RBFOX1: variants seen among roughly 807,000 people sequenced by gnomAD.
The protein encoded by RBFOX1 is RNA binding fox-1 homolog 1.
Under a neutral mutation model 57.7 loss-of-function variants are expected in RBFOX1, and 8 were observed. The observed-to-expected ratio is 0.14, with a 90% CI of 0.08 to 0.25. The LOEUF is 0.25. Ranked by LOEUF, RBFOX1 falls within the 10% of genes least tolerant of loss-of-function variation. The probability of loss-of-function intolerance (pLI) is 1.00; values close to 1 mark genes in which losing one functional copy is unlikely to be tolerated. For synonymous variants in RBFOX1, 326 were observed against 222.4 expected (o/e 1.47, Z -4.15); for missense variants, 611 against 548.5 (o/e 1.11, Z -1.14).
chr16:7,579,537 T>C (rs1205023735), intron 5 of RBFOX1, among the ~76,000 whole-genome samples: 1 of 152,202 alleles, frequency 6.6e-6, no homozygotes, highest in Non-Finnish European at 1.5e-5. Context: ...TGATGCTCCC[T>C]GAGGGCAGGG....
At chr16:7,653,354 T>C (rs1407654357) in intron 11 of RBFOX1, among the ~76,000 whole-genome samples, 1 of 151,990 alleles carries the variant, frequency 6.6e-6, no homozygotes. Context: ...ATGAAAAAAT[T>C]AGCCAGGTGT....
chr16:6,535,999 C>G (rs2096730143), intron 2 of RBFOX1, among the ~76,000 whole-genome samples: 2 of 152,300 alleles, frequency 1.3e-5, no homozygotes, highest in Admixed American at 6.5e-5. Context: ...ATATCTATCT[C>G]TAGGCTATCC....
intron 1 of RBFOX1, among the ~76,000 whole-genome samples, chr16:6,270,225 A>G (rs572881048): frequency 6.6e-6 from 1 of 152,270 alleles, no homozygotes; most frequent in South Asian, 2.1e-4. Context: ...AAAATTAAGC[A>G]CTAACATACC....
chr16:6,971,162 GA>G (rs1372601427), intron 3 of RBFOX1, among the ~76,000 whole-genome samples: 1 of 152,190 alleles, frequency 6.6e-6, no homozygotes, highest in Non-Finnish European at 1.5e-5. Flanking sequence ...ACATAGGAAG[GA>G]AATTATTGGG....
At chr16:6,934,035 G>T (rs1161931954) in intron 3 of RBFOX1, among the ~76,000 whole-genome samples, 10 of 152,294 alleles carry the variant, frequency 6.6e-5, no homozygotes. Context: ...TTGCACACTG[G>T]GCTAGAGCTG....
intron 3 of RBFOX1, among the ~76,000 whole-genome samples, chr16:5,725,740 C>G (rs967644403): frequency 7.2e-5 from 11 of 151,948 alleles, no homozygotes; most frequent in African/African-American, 2.7e-4. Flanking sequence ...TGCTGCCATT[C>G]CTGCCTCCAC....
chr16:5,939,169 C>A (rs147995694), intron 4 of RBFOX1, among the ~76,000 whole-genome samples: 35 of 152,232 alleles, frequency 2.3e-4, no homozygotes, highest in African/African-American at 7.9e-4. Flanking sequence ...TACAGCACAC[C>A]AACATGGCAT....
At chr16:5,497,985 A>G (rs560916683) in intron 2 of RBFOX1, among the ~76,000 whole-genome samples, 1 of 152,268 alleles carries the variant, frequency 6.6e-6, no homozygotes, top group East Asian at 1.9e-4. Context: ...GGGAAAAAAC[A>G]TGTGCAAAGG....
At chr16:5,809,519 G>C (rs2055346711) in intron 3 of RBFOX1, among the ~76,000 whole-genome samples, 1 of 152,162 alleles carries the variant, frequency 6.6e-6, no homozygotes, top group Non-Finnish European at 1.5e-5. Context: ...CGAAGGACAT[G>C]AACAGACACT....
chr16:6,106,806 C>T (rs1450431976), intron 1 of RBFOX1, among the ~76,000 whole-genome samples: 1 of 152,030 alleles, frequency 6.6e-6, no homozygotes, highest in Non-Finnish European at 1.5e-5. Context: ...TAGCTGGGAC[C>T]ACAGATGCCC....
chr16:7,449,092 G>A (rs963913845), intron 4 of RBFOX1, among the ~76,000 whole-genome samples: 1 of 151,870 alleles, frequency 6.6e-6, no homozygotes, highest in Non-Finnish European at 1.5e-5. Flanking sequence ...AGCATGCCCG[G>A]CTAACTTTGT....
At chr16:7,554,338 C>T (rs2087600542) in intron 5 of RBFOX1, among the ~76,000 whole-genome samples, 1 of 152,220 alleles carries the variant, frequency 6.6e-6, no homozygotes, top group Non-Finnish European at 1.5e-5. Flanking sequence ...TTTATCCTTA[C>T]AGCAATCCTG....
chr16:7,507,671 C>T (rs1056716507), intron 4 of RBFOX1, among the ~76,000 whole-genome samples: 1 of 148,562 alleles, frequency 6.7e-6, no homozygotes, highest in African/African-American at 2.5e-5. Flanking sequence ...TCACGCCATT[C>T]TTCTGCCTCA....
intron 3 of RBFOX1, among the ~76,000 whole-genome samples, chr16:5,729,405 T>G (rs920944210): frequency 6.7e-6 from 1 of 150,284 alleles, no homozygotes; most frequent in East Asian, 1.9e-4. Context: ...TCTTTTTTTT[T>G]TTTTTTTTTT....
intron 4 of RBFOX1, among the ~76,000 whole-genome samples, chr16:7,110,673 A>C (rs2064564646): frequency 6.6e-6 from 1 of 152,182 alleles, no homozygotes; most frequent in Non-Finnish European, 1.5e-5. Flanking sequence ...CATTCACCAT[A>C]GTTAAATGAG....
chr16:6,510,066 C>T (rs2096218946), intron 2 of RBFOX1, among the ~76,000 whole-genome samples: 1 of 152,128 alleles, frequency 6.6e-6, no homozygotes, highest in African/African-American at 2.4e-5. Flanking sequence ...CTCCTGTCTT[C>T]CTAGGGATGC....
At chr16:6,216,551 C>G (rs1000578787) in intron 1 of RBFOX1, among the ~76,000 whole-genome samples, 1 of 152,236 alleles carries the variant, frequency 6.6e-6, no homozygotes, top group Non-Finnish European at 1.5e-5. Context: ...GAAATATCCA[C>G]AAGCCACAGC....
intron 4 of RBFOX1, among the ~76,000 whole-genome samples, chr16:7,067,405 C>T (rs543341008): frequency 1.3e-5 from 2 of 150,968 alleles, no homozygotes; most frequent in East Asian, 1.9e-4. Context: ...ACTGAAATGT[C>T]GCCAAGGCTG....
At chr16:5,298,006 A>C (rs2063709836) in intron 1 of RBFOX1, among the ~76,000 whole-genome samples, 1 of 149,024 alleles carries the variant, frequency 6.7e-6, no homozygotes, top group Non-Finnish European at 1.5e-5. Context: ...AGAATTGAAC[A>C]CAATGTTATT....
Sources: allele counts gnomAD v4.1 joint callset (sites outside exome capture counted in the v4.1 genomes callset), GRCh38; gene constraint gnomAD v4.1.1; transcripts MANE v1.5; gene names NCBI Gene and HGNC (gene_info 2026-07-23, HGNC 2026-07-21).